The following PLCH1 variants were observed in gnomAD, a reference collection of about 807,000 sequenced individuals.
The protein encoded by PLCH1 is phospholipase C eta 1.
A neutral mutation model predicts 126.7 loss-of-function variants in PLCH1; 60 were observed. The observed-to-expected ratio is 0.47, with a 90% CI of 0.38 to 0.59. The LOEUF (loss-of-function observed/expected upper bound fraction) is 0.59. Ranked by LOEUF, PLCH1 falls within the 20% of genes least tolerant of loss-of-function variation. PLCH1 has a pLI of 0.00. For synonymous variants in PLCH1, 719 were observed against 734.9 expected (o/e 0.98, Z 0.35); for missense variants, 1,723 against 2,040.0 (o/e 0.84, Z 2.99).
intron 1 of PLCH1, among the ~76,000 whole-genome samples, chr3:155,712,938 AT>A (rs1380027218): frequency 6.6e-6 from 1 of 151,010 alleles, no homozygotes; most frequent in Non-Finnish European, 1.5e-5. Context: ...TATTAATAAT[AT>A]ATTATTTGTA....
intron 12 of PLCH1, among the ~76,000 whole-genome samples, chr3:155,512,495 A>T (rs1242823789): frequency 6.6e-6 from 1 of 152,210 alleles, no homozygotes; most frequent in Non-Finnish European, 1.5e-5. Flanking sequence ...CCTGGATTTG[A>T]GGATTAAGAA....
At chr3:155,728,945 A>C (rs2109166858) in intron 1 of PLCH1, among the ~76,000 whole-genome samples, 1 of 152,346 alleles carries the variant, frequency 6.6e-6, no homozygotes, top group East Asian at 1.9e-4. Context: ...ATGACATACA[A>C]ACAGCAGATT....
At chr3:155,661,958 T>A (rs978044236) in intron 2 of PLCH1, among the ~76,000 whole-genome samples, 1 of 152,230 alleles carries the variant, frequency 6.6e-6, no homozygotes, top group African/African-American at 2.4e-5. Flanking sequence ...TGTTTGGTAA[T>A]GTTGTAATGG....
chr3:155,558,660 A>AGG (rs1560164587), intron 8 of PLCH1, among the ~76,000 whole-genome samples: 2 of 152,184 alleles, frequency 1.3e-5, no homozygotes, highest in African/African-American at 2.4e-5. Context: ...GTGGTGAAGA[A>AGG]GGGACAGAGT....
chr3:155,469,356 C>G (rs1383527787), intron 21 of PLCH1, among the ~76,000 whole-genome samples: 1 of 152,326 alleles, frequency 6.6e-6, no homozygotes, highest in East Asian at 1.9e-4. Context: ...CCGAATACTG[C>G]GCTTTTCGGA....
chr3:155,570,668 GTTAA>G (rs1468429606), intron 6 of PLCH1, among the ~76,000 whole-genome samples: 1 of 152,102 alleles, frequency 6.6e-6, no homozygotes, highest in Non-Finnish European at 1.5e-5. Context: ...GTTGAGAGAG[GTTAA>G]TTAAACATCA....
chr3:155,566,704 A>T (rs1224346235), intron 7 of PLCH1, among the ~76,000 whole-genome samples: 1 of 152,156 alleles, frequency 6.6e-6, no homozygotes, highest in Non-Finnish European at 1.5e-5. Context: ...GTCCTTTAAG[A>T]TTATTTAGAA....
intron 2 of PLCH1, among the ~76,000 whole-genome samples, chr3:155,663,014 A>G (rs4680209): frequency 0.58 from 87,498 of 152,040 alleles, 27,495 homozygotes; most frequent in African/African-American, 0.82. Context: ...AATTTAAAAA[A>G]GTATTAAATC....
At chr3:155,458,480 A>AG (rs1712561886) in intron 21 of PLCH1, among the ~76,000 whole-genome samples, 2 of 111,262 alleles carry the variant, frequency 1.8e-5, no homozygotes, top group African/African-American at 7.3e-5. Context: ...GAAAGAAAGA[A>AG]AGAAAGAAAG....
intron 2 of PLCH1, among the ~76,000 whole-genome samples, chr3:155,619,609 A>G (rs1353745391): frequency 1.3e-5 from 2 of 152,112 alleles, no homozygotes; most frequent in Non-Finnish European, 2.9e-5. Context: ...CTAAGGGGCA[A>G]GAGTCAAAAC....
At chr3:155,550,301 T>G (rs1725938561) in intron 9 of PLCH1, among the ~76,000 whole-genome samples, 1 of 152,324 alleles carries the variant, frequency 6.6e-6, no homozygotes, top group East Asian at 1.9e-4. Flanking sequence ...AGTAAACTCA[T>G]ATAATGTAAT....
intron 6 of PLCH1, among the ~76,000 whole-genome samples, chr3:155,570,845 A>G (rs1179300310): frequency 6.6e-6 from 1 of 152,208 alleles, no homozygotes; most frequent in Non-Finnish European, 1.5e-5. Context: ...AGGTGTTTTT[A>G]ATTTCAATAT....
chr3:155,454,895 A>G (rs1712401467), intron 21 of PLCH1, among the ~76,000 whole-genome samples: 1 of 152,226 alleles, frequency 6.6e-6, no homozygotes. Context: ...TACACATAAA[A>G]GATGAGGTGG....
intron 2 of PLCH1, among the ~76,000 whole-genome samples, chr3:155,600,140 C>G (rs1201085396): frequency 1.3e-5 from 2 of 152,158 alleles, no homozygotes; most frequent in Non-Finnish European, 2.9e-5. Context: ...CTTTCCCAAA[C>G]AAGATAGTTG....
chr3:155,607,917 T>C (rs946725887), intron 2 of PLCH1, among the ~76,000 whole-genome samples: 8 of 152,078 alleles, frequency 5.3e-5, no homozygotes, highest in African/African-American at 9.7e-5. Context: ...GAGAAAGAGT[T>C]CACAGATCCT....
rs1237371978 is a variant in PLCH1 at position 155,494,127 on chromosome 3, A to AAATTAATAC, written c.2182+5_2182+13dup. 1 of 1,591,308 alleles carries AAATTAATAC rather than the reference A, an allele frequency of 6.3e-7. No individual in the cohort carries two copies. Among genetic ancestry groups the AAATTAATAC allele is most frequent in the Admixed American group, 1.7e-5 (1 of 59,992 alleles). ...ACACACACCTGCATTTATGACTATG[A>AAATTAATAC]AATTAATACACACCTTTGCACATTT... On this transcript the variant is annotated intron_variant, in intron 17 of 22. Transcript: ENST00000460012.
chr3:155,623,878 G>A (rs572155709), intron 2 of PLCH1, among the ~76,000 whole-genome samples: 7 of 152,196 alleles, frequency 4.6e-5, no homozygotes, highest in African/African-American at 9.6e-5. Flanking sequence ...GAAAAAGAGC[G>A]AATCCTCCCT....
At chr3:155,528,366 A>G (rs908891789) in intron 10 of PLCH1, among the ~76,000 whole-genome samples, 4 of 151,994 alleles carry the variant, frequency 2.6e-5, no homozygotes, top group Non-Finnish European at 5.9e-5. Flanking sequence ...CAGTTTTTCT[A>G]TTTTTCTTTA....
intron 1 of PLCH1, among the ~76,000 whole-genome samples, chr3:155,741,852 G>A (rs1333561991): frequency 2.6e-5 from 4 of 151,934 alleles, no homozygotes; most frequent in African/African-American, 7.3e-5. Flanking sequence ...AGAAACCTGA[G>A]AATTACAAGG....
Sources: gnomAD v4.1 joint callset for allele counts (sites outside exome capture counted in the v4.1 genomes callset) on GRCh38, gnomAD v4.1.1 for gene constraint, MANE v1.5 for transcripts, NCBI Gene and HGNC (gene_info 2026-07-23, HGNC 2026-07-21) for gene names.